The following DEUP1 variants were observed in gnomAD, a reference collection of about 807,000 sequenced individuals.
DEUP1 encodes the protein coiled-coil domain containing 67.
Under a neutral mutation model 87.4 loss-of-function variants are expected in DEUP1, and 82 were observed. The observed-to-expected ratio is 0.94, with a 90% CI of 0.78 to 1.13. The LOEUF (loss-of-function observed/expected upper bound fraction) is 1.13. Among genes scored for constraint, DEUP1 ranks in the 50% most tolerant of loss-of-function variants. DEUP1 has a pLI of 0.00. For missense variants in DEUP1, 663 were observed against 681.5 expected (o/e 0.97, Z 0.30); for synonymous variants, 214 against 222.7 (o/e 0.96, Z 0.35).
intron 13 of DEUP1, among the ~76,000 whole-genome samples, chr11:93,428,090 G>C (rs1209461083): frequency 1.3e-5 from 2 of 152,028 alleles, no homozygotes; most frequent in South Asian, 2.1e-4. Context: ...TCTAGAACTA[G>C]ATCCCTATAT....
Position 93,364,258 on chromosome 11 carries a change from AC to A in DEUP1, c.399del (p.Phe134LeufsTer3). On this transcript the variant is annotated frameshift_variant, in exon 5 of 14. Coordinates refer to ENST00000298050, the MANE Select transcript of DEUP1 (RefSeq NM_181645.4). LOFTEE classifies it high-confidence loss of function. ...AATTACCACACCTTAAAGAAGAAAT[AC>A]CCTTTGAACTGAGCAATTTGAACCA... Reference protein sequence around the residue: ...KELPHLKEEIPFELSNLNQKL... With the variant: ...KELPHLKEEIXFELSNLNQKL... 1 of 1,610,278 alleles carries A rather than the reference AC, an allele frequency of 6.2e-7. No homozygotes were observed. The highest frequency in any genetic ancestry group is 8.5e-7 in the Non-Finnish European group (1 of 1,177,058).
At position 93,332,269 on chromosome 11, in the gene DEUP1, C is replaced by T. The variant is rs371385177; in HGVS notation, c.10C>T (p.Gln4Ter). MEN[Q>*]AHNTMGTSPC... ...GTAGCAGTTTCTTGACATGGAGAAC[C>T]AAGCCCATAATACGATGGGGTAAGT... is the stretch of plus-strand genomic sequence containing the variant. The change falls in exon 2 of 14, where the codon CAA becomes TAA. Residue 4 changes from glutamine (Q) to a stop codon, truncating the protein, a stop_gained. Transcript: ENST00000298050. LOFTEE classifies it high-confidence loss of function. 6.2e-7 allele frequency: 1 copy of T among 1,607,970 alleles called. No homozygotes were observed. The highest frequency in any genetic ancestry group is 8.5e-7 in the Non-Finnish European group (1 of 1,176,620).
Position 93,385,870 on chromosome 11 carries a change from T to C in DEUP1, c.935+327T>C, listed in dbSNP as rs116617141. Among the ~76,000 whole-genome samples, 1,158 of 151,968 alleles carry C rather than the reference T, an allele frequency of 7.6e-3. 14 individuals carry two copies. Among genetic ancestry groups the C allele is most frequent in the African/African-American group, 0.027 (1,117 of 41,440 alleles). ...ATTTCAAGACAAGCCTTAGGCAACA[T>C]AGTGAGACCCTGACTCTTCAAAAAA... is the stretch of plus-strand genomic sequence containing the variant. On this transcript the variant is annotated intron_variant, in intron 8 of 13. Transcript: ENST00000298050.
At chr11:93,432,569 C>T (rs1393380274) in intron 13 of DEUP1, among the ~76,000 whole-genome samples, 3 of 152,168 alleles carry the variant, frequency 2.0e-5, no homozygotes, top group Non-Finnish European at 4.4e-5. Context: ...GTAGGCAAGA[C>T]CCGGGCAGAT....
chr11:93,418,952 T>C (rs1266665611), intron 13 of DEUP1, among the ~76,000 whole-genome samples: 1 of 150,784 alleles, frequency 6.6e-6, no homozygotes, highest in Non-Finnish European at 1.5e-5. Context: ...AAACACTGCA[T>C]ATTCTCACTC....
rs12416927 is a variant in DEUP1 at position 93,343,994 on chromosome 11, T to C, written c.30-11377T>C. Among the ~76,000 whole-genome samples, 1,009 of 152,304 alleles carry C rather than the reference T, an allele frequency of 6.6e-3. 41 individuals are homozygous for C. The highest frequency in any genetic ancestry group is 0.059 in the Admixed American group (907 of 15,288). On this transcript the variant is annotated intron_variant, in intron 2 of 13. Transcript: ENST00000298050. ...ATGCTGCTAAGTTAGCAAACACTAA[T>C]GATGACAGTAACATTTTTTGGATGA...
chr11:93,392,086 A>C (rs1182880533), intron 9 of DEUP1, among the ~76,000 whole-genome samples: 2 of 152,226 alleles, frequency 1.3e-5, no homozygotes, highest in Non-Finnish European at 2.9e-5. Flanking sequence ...ATAAAGCCTG[A>C]TGGTGATCAC....
chr11:93,408,452 GCATAAGTT>G (rs1307389430), intron 12 of DEUP1, 25 bp downstream of exon 12: 2 of 1,351,790 alleles, frequency 1.5e-6, no homozygotes, highest in Admixed American at 2.9e-5. Context: ...TTATATAAGG[GCATAAGTT>G]TAAAAACATG....
intron 12 of DEUP1, among the ~76,000 whole-genome samples, chr11:93,410,643 T>C (rs2134427581): frequency 6.6e-6 from 1 of 152,344 alleles, no homozygotes; most frequent in East Asian, 1.9e-4. Context: ...TATTTCCTGT[T>C]CGTGCTAGTT....
At chr11:93,429,436 G>A (rs1393445278) in intron 13 of DEUP1, among the ~76,000 whole-genome samples, 2 of 152,148 alleles carry the variant, frequency 1.3e-5, no homozygotes, top group African/African-American at 4.8e-5. Flanking sequence ...TTTCAGTCAA[G>A]CAATGGAAAA....
intron 11 of DEUP1, 73 bp from the exon 12 acceptor site, chr11:93,408,158 C>A: frequency 9.0e-7 from 1 of 1,107,854 alleles, no homozygotes; most frequent in Non-Finnish European, 1.2e-6. Flanking sequence ...CAGCACAAGT[C>A]TCCAAACACA....
intron 10 of DEUP1, 83 bp downstream of exon 10, chr11:93,394,739 A>T (rs1453610137): frequency 3.5e-6 from 3 of 866,944 alleles, no homozygotes; most frequent in Non-Finnish European, 5.1e-6. Context: ...GACTAATGAA[A>T]ACATTACATT....
intron 12 of DEUP1, among the ~76,000 whole-genome samples, chr11:93,408,956 A>G: frequency 6.6e-6 from 1 of 152,024 alleles, no homozygotes; most frequent in East Asian, 1.9e-4. Flanking sequence ...TCCTGGGTTC[A>G]AGTAATTCTC....
intron 13 of DEUP1, among the ~76,000 whole-genome samples, chr11:93,433,810 C>T (rs1410528730): frequency 1.3e-5 from 2 of 152,172 alleles, no homozygotes; most frequent in East Asian, 3.9e-4. Context: ...GAGCTACAAA[C>T]TAGTATAGCC....
In DEUP1 at chr11:93,369,706, C is replaced by T. The variant is rs1310705567; in HGVS notation, c.433-367C>T. ...CAGCACTTTGGGAGGCCGAGGCGGG[C>T]GGATCACGAGGTCAGGAGATCGAGA... On this transcript the variant is annotated intron_variant, in intron 5 of 13. Transcript: ENST00000298050. 1.6e-3 allele frequency among the ~76,000 whole-genome samples: 10 copies of T among 6,422 alleles called. 5 individuals are homozygous for T. Among genetic ancestry groups the T allele is most frequent in the Non-Finnish European group, 2.9e-3 (10 of 3,434 alleles). 4.2% of individuals were successfully genotyped at this position (6,422 alleles called of 152,430 possible).
chr11:93,336,583 G>A (rs1412475615), intron 2 of DEUP1, among the ~76,000 whole-genome samples: 1 of 151,086 alleles, frequency 6.6e-6, no homozygotes, highest in Non-Finnish European at 1.5e-5. Flanking sequence ...AAAGGATGAG[G>A]GGGCTGAATT....
At chr11:93,410,573 A>C (rs1489069252) in intron 12 of DEUP1, among the ~76,000 whole-genome samples, 1 of 152,198 alleles carries the variant, frequency 6.6e-6, no homozygotes, top group Admixed American at 6.5e-5. Context: ...AACACTATAA[A>C]GGGTCACCTG....
chr11:93,381,895 A>G (rs1263741578), intron 7 of DEUP1, among the ~76,000 whole-genome samples: 1 of 152,184 alleles, frequency 6.6e-6, no homozygotes, highest in African/African-American at 2.4e-5. Context: ...ACATATAAAA[A>G]GTTACTGAGG....
At chr11:93,429,515 G>A (rs138265878) in intron 13 of DEUP1, among the ~76,000 whole-genome samples, 143 of 152,158 alleles carry the variant, frequency 9.4e-4, no homozygotes, top group African/African-American at 3.1e-3. Context: ...ATTAGTGTCC[G>A]CTCAAATATC....
Sources: gnomAD v4.1 joint callset for allele counts (sites outside exome capture counted in the v4.1 genomes callset) on GRCh38, gnomAD v4.1.1 for gene constraint, MANE v1.5 for transcripts, NCBI Gene and HGNC (gene_info 2026-07-23, HGNC 2026-07-21) for gene names.